SNX13: variants seen among roughly 807,000 people sequenced by gnomAD.
The protein encoded by SNX13 is sorting nexin-13.
A neutral mutation model predicts 133.6 loss-of-function variants in SNX13; 45 were observed. The observed-to-expected ratio is 0.34, with a 90% CI of 0.27 to 0.43. The LOEUF is 0.43. Ranked by LOEUF, SNX13 falls within the 20% of genes least tolerant of loss-of-function variation. The pLI is 1.00. For synonymous variants in SNX13, 414 were observed against 373.9 expected (o/e 1.11, Z -1.24); for missense variants, 1,032 against 1,145.1 (o/e 0.90, Z 1.43).
chr7:17,868,385 T>A (rs1183919541), intron 9 of SNX13, 22 bp downstream of exon 9: 1 of 1,535,070 alleles, frequency 6.5e-7, no homozygotes, highest in Non-Finnish European at 8.9e-7. Context: ...AAAACAGAGT[T>A]GTAATTTTAA....
At chr7:17,863,173 A>G (rs1458372996) in intron 9 of SNX13, among the ~76,000 whole-genome samples, 2 of 139,896 alleles carry the variant, frequency 1.4e-5, no homozygotes, top group African/African-American at 5.8e-5. Flanking sequence ...CTCAGGGGGA[A>G]TAACTCGAAT....
chr7:17,873,423 T>A, intron 8 of SNX13, 105 bp downstream of exon 8: 1 of 483,326 alleles, frequency 2.1e-6, no homozygotes, highest in East Asian at 3.6e-5. Context: ...CTCTTTGGAG[T>A]CTTCAATAAT....
At chr7:17,890,100 G>GATTTGGACCCTAAAGAAAAA (rs1796469875) in intron 5 of SNX13, 2 of 273,726 alleles carry the variant, frequency 7.3e-6, no homozygotes, top group Non-Finnish European at 1.4e-5. Flanking sequence ...AAAGTCACCT[G>GATTTGGACCCTAAAGAAAAA]ATTTGGACCC....
At chr7:17,894,879 G>T (rs1797034559) in intron 2 of SNX13, among the ~76,000 whole-genome samples, 1 of 152,118 alleles carries the variant, frequency 6.6e-6, no homozygotes, top group Non-Finnish European at 1.5e-5. Context: ...CTCAGTACAA[G>T]TATCACAAAA....
chr7:17,869,882 AC>A, intron 8 of SNX13, among the ~76,000 whole-genome samples: 1 of 46,574 alleles, frequency 2.1e-5, no homozygotes, highest in Non-Finnish European at 4.2e-5. Context: ...ACACACAGAC[AC>A]ACACACACAC....
Position 17,834,768 on chromosome 7 carries a change from T to G in SNX13, c.1457A>C (p.Gln486Pro), listed in dbSNP as rs758162268. 6.3e-7 allele frequency: 1 copy of G among 1,595,222 alleles called. No homozygotes were observed. Among genetic ancestry groups the G allele is most frequent in the Non-Finnish European group, 8.6e-7 (1 of 1,164,444 alleles). The change falls in exon 14 of 26, where the codon CAA becomes CCA. Residue 486 changes from glutamine to proline, a missense_variant. By Grantham distance (76) the Gln-to-Pro change is moderately conservative. Coordinates refer to ENST00000428135, the MANE Select transcript of SNX13 (RefSeq NM_015132.5). ...TGCTGTACATAATAATACCTTTCTT[T>G]GAATGTCATCAAAGATTTCAGGGGT... ...DPTPEIFDDI[Q>P]RKVYELMLRD...
At chr7:17,869,489 A>C (rs1415958397) in intron 8 of SNX13, among the ~76,000 whole-genome samples, 3 of 152,154 alleles carry the variant, frequency 2.0e-5, no homozygotes, top group African/African-American at 7.2e-5. Context: ...CTAATTTCTT[A>C]AGAATATTGG....
At chr7:17,812,457 AC>A (rs1432739235) in intron 20 of SNX13, among the ~76,000 whole-genome samples, 1 of 152,210 alleles carries the variant, frequency 6.6e-6, no homozygotes, top group Non-Finnish European at 1.5e-5. Flanking sequence ...ACCATCTCAC[AC>A]CAGTTAGAAT....
intron 16 of SNX13, among the ~76,000 whole-genome samples, chr7:17,828,089 G>C (rs1362175843): frequency 1.3e-5 from 2 of 151,582 alleles, no homozygotes; most frequent in Admixed American, 6.6e-5. Flanking sequence ...TTGTTAAAAA[G>C]GCTTTGTGGA....
chr7:17,855,228 C>T (rs977020340), intron 9 of SNX13, among the ~76,000 whole-genome samples: 1 of 152,114 alleles, frequency 6.6e-6, no homozygotes, highest in African/African-American at 2.4e-5. Flanking sequence ...AGCTAGCAGA[C>T]ATTGGAGGTT....
intron 5 of SNX13, chr7:17,889,043 A>C (rs1004398416): frequency 1.1e-5 from 2 of 187,358 alleles, no homozygotes; most frequent in African/African-American, 2.4e-5. Flanking sequence ...AAAGAAAAAA[A>C]AAGTCATCAG....
intron 25 of SNX13, chr7:17,796,003 G>A (rs975364097): frequency 1.3e-5 from 2 of 151,524 alleles, no homozygotes; most frequent in African/African-American, 2.4e-5. Context: ...AAAAAAATTG[G>A]TATTGTGTGA....
At chr7:17,856,997 G>A (rs996502719) in intron 9 of SNX13, among the ~76,000 whole-genome samples, 8 of 151,628 alleles carry the variant, frequency 5.3e-5, no homozygotes, top group Admixed American at 2.6e-4. Context: ...AAATGTTTAC[G>A]CTAGACTAAG....
In SNX13 at chr7:17,799,023, G is replaced by A. The variant is rs199658532; in HGVS notation, c.2430C>T (p.Gly810=). 463 of 1,609,422 alleles carry A rather than the reference G, an allele frequency of 2.9e-4. 1 individual carries two copies. The African/African-American group carries it at 5.2e-3, about 18-fold the overall frequency. ...AAGAGTGCTACCTATTAATAGTATC[G>A]CCATATGTAGCTCTAATAAGCTGTT... ...LLQQLIRATY[G]DTINRKIVDH... The change falls in exon 23 of 26, where the codon GGC becomes GGT. Residue 810 remains glycine (G), a synonymous_variant. Transcript: ENST00000428135.
intron 5 of SNX13, among the ~76,000 whole-genome samples, chr7:17,884,404 A>G (rs776070418): frequency 1.3e-5 from 2 of 152,220 alleles, no homozygotes; most frequent in African/African-American, 2.4e-5. Flanking sequence ...GACTTTTTAA[A>G]AAGTTAATTT....
At chr7:17,804,994 T>C (rs1390657049) in intron 20 of SNX13, among the ~76,000 whole-genome samples, 3 of 151,910 alleles carry the variant, frequency 2.0e-5, no homozygotes, top group Non-Finnish European at 2.9e-5. Flanking sequence ...GGGCTGAGAG[T>C]TTTGGTTGGT....
intron 2 of SNX13, among the ~76,000 whole-genome samples, chr7:17,894,678 TAAAGC>T (rs1797010517): frequency 6.6e-6 from 1 of 152,190 alleles, no homozygotes. Context: ...AATTTACCAA[TAAAGC>T]AAAGTGTTGG....
Position 17,791,441 on chromosome 7 carries a change from T to C in SNX13, c.*2604A>G, listed in dbSNP as rs1049801852. On this transcript the variant is annotated 3_prime_UTR_variant, in exon 26 of 26. Coordinates refer to ENST00000428135, the MANE Select transcript of SNX13 (RefSeq NM_015132.5). ...GTGCATCCATTGGTCAATGGCACAA[T>C]TGATTTCAGCAACTATTTGGAATAT... is the stretch of plus-strand genomic sequence containing the variant. 1.8e-4 allele frequency: 27 copies of C among 151,694 alleles called. No individual in the cohort carries two copies. Among genetic ancestry groups the C allele is most frequent in the African/African-American group, 1.5e-4 (6 of 41,362 alleles). 9.4% of individuals were successfully genotyped at this position (151,694 alleles called of 1,614,324 possible).
chr7:17,798,967 C>G, intron 23 of SNX13, 42 bp downstream of exon 23: 1 of 1,577,714 alleles, frequency 6.3e-7, no homozygotes, highest in Non-Finnish European at 8.6e-7. Context: ...AGTTTAATAG[C>G]TAAGTAAGAT....
Sources: allele counts gnomAD v4.1 joint callset (sites outside exome capture counted in the v4.1 genomes callset), GRCh38; gene constraint gnomAD v4.1.1; transcripts MANE v1.5; gene names NCBI Gene and HGNC (gene_info 2026-07-23, HGNC 2026-07-21).